The following POU2F3 variants were observed in gnomAD, a reference collection of about 807,000 sequenced individuals.
POU2F3 encodes POU class 2 homeobox 3.
A neutral mutation model predicts 59.2 loss-of-function variants in POU2F3; 23 were observed. The ratio of observed to expected loss-of-function variants is 0.39; its 90% CI spans 0.28 to 0.55. The LOEUF is 0.55. Among genes scored for constraint, POU2F3 ranks in the 20% least tolerant of loss-of-function variants. POU2F3 has a pLI of 0.66. For synonymous variants in POU2F3, 190 were observed against 214.6 expected (o/e 0.89, Z 1.00); for missense variants, 473 against 544.5 (o/e 0.87, Z 1.31).
chr11:120,304,011 G>A lies in POU2F3; in HGVS notation c.445-1019G>A, dbSNP rs190071057. 4.6e-5 allele frequency: 7 copies of A among 152,178 alleles called. No individual in the cohort carries two copies. In the East Asian group the frequency reaches 1.4e-3, roughly 29 times the overall value. The allele number at this position is 152,178 out of a possible 1,614,324, so 9.4% of individuals were successfully genotyped here. On this transcript the variant is annotated intron_variant, in intron 6 of 12. Coordinates refer to ENST00000543440, the MANE Select transcript of POU2F3 (RefSeq NM_014352.4). ...GGCACAGCATGGTTCTAGGTTTAAG[G>A]GTACGTTTTCCTATGAAAATAAGCT...
chr11:120,257,500 C>T (rs1236781803), intron 2 of POU2F3, among the ~76,000 whole-genome samples: 6 of 152,040 alleles, frequency 3.9e-5, no homozygotes, highest in Non-Finnish European at 8.8e-5. Flanking sequence ...GGCCTGGGGT[C>T]CCGCGGCTCT....
chr11:120,238,137 G>A (rs1446132289), upstream of POU2F3, among the ~76,000 whole-genome samples: 1 of 152,192 alleles, frequency 6.6e-6, no homozygotes, highest in African/African-American at 2.4e-5. Flanking sequence ...CTACTCGGGA[G>A]GCTGAGGCAG....
intron 3 of POU2F3, among the ~76,000 whole-genome samples, 177 bp downstream of exon 3, chr11:120,269,421 G>A (rs1480559150): frequency 6.6e-6 from 1 of 152,176 alleles, no homozygotes. Flanking sequence ...ATGAGCCAAT[G>A]TTGGGGTCTC....
intron 3 of POU2F3, among the ~76,000 whole-genome samples, chr11:120,271,670 G>A (rs1168334102): frequency 1.3e-5 from 2 of 152,216 alleles, no homozygotes; most frequent in African/African-American, 2.4e-5. Context: ...CACTAGTGCT[G>A]GAGAGAAGGA....
intron 3 of POU2F3, among the ~76,000 whole-genome samples, chr11:120,276,371 A>G (rs1940325670): frequency 6.6e-6 from 1 of 152,166 alleles, no homozygotes; most frequent in Non-Finnish European, 1.5e-5. Flanking sequence ...GCTGGTTCAG[A>G]GGGCCTAAGA....
At chr11:120,282,116 T>C (rs570985669) in intron 3 of POU2F3, among the ~76,000 whole-genome samples, 29 of 152,330 alleles carry the variant, frequency 1.9e-4, no homozygotes, top group Non-Finnish European at 4.1e-4. Context: ...ATGACAGTGC[T>C]TCTCAGATTC....
At chr11:120,292,452 G>A (rs572744280) in intron 3 of POU2F3, among the ~76,000 whole-genome samples, 1 of 152,254 alleles carries the variant, frequency 6.6e-6, no homozygotes, top group African/African-American at 2.4e-5. Flanking sequence ...CTTGGAAACA[G>A]TTCTCAGAGT....
chr11:120,240,147 C>T lies in POU2F3; in HGVS notation c.-197C>T. 1 of 1,195,748 alleles carries T rather than the reference C, an allele frequency of 8.4e-7. No homozygotes were observed. The highest frequency in any genetic ancestry group is 1.0e-6 in the Non-Finnish European group (1 of 962,336). The allele number at this position is 1,195,748 out of a possible 1,614,324, so 74.1% of individuals were successfully genotyped here. Reference sequence around the variant, plus strand: ...CCGCGTGCTCACCTGGGGAGTGTGGCAATCCTGGCGGCGCCGAGTGTTGCC... The same window carrying T: ...CCGCGTGCTCACCTGGGGAGTGTGGTAATCCTGGCGGCGCCGAGTGTTGCC... On this transcript the variant is annotated 5_prime_UTR_variant, in exon 1 of 13. Coordinates refer to ENST00000543440, the MANE Select transcript of POU2F3 (RefSeq NM_014352.4).
At chr11:120,241,862 T>C (rs1374156947) in intron 1 of POU2F3, among the ~76,000 whole-genome samples, 1 of 151,956 alleles carries the variant, frequency 6.6e-6, no homozygotes, top group African/African-American at 2.4e-5. Context: ...TCAGAGGATA[T>C]AGCAGAGAGC....
chr11:120,252,498 G>A (rs1340420382), intron 2 of POU2F3, among the ~76,000 whole-genome samples: 3 of 152,074 alleles, frequency 2.0e-5, no homozygotes, highest in Admixed American at 6.6e-5. Flanking sequence ...ATGAGCCTCC[G>A]CACCCAGCCT....
intron 3 of POU2F3, among the ~76,000 whole-genome samples, chr11:120,270,443 G>A: frequency 6.6e-6 from 1 of 152,204 alleles, no homozygotes; most frequent in South Asian, 2.1e-4. Context: ...GGAGCTCAGA[G>A]CAGACATCAT....
intron 10 of POU2F3, among the ~76,000 whole-genome samples, chr11:120,313,179 A>G (rs990966750): frequency 2.0e-5 from 3 of 152,200 alleles, no homozygotes; most frequent in African/African-American, 7.2e-5. Context: ...GATGGGAAGT[A>G]GTAGATTCTC....
intron 8 of POU2F3, among the ~76,000 whole-genome samples, chr11:120,306,013 T>A (rs1941476684): frequency 6.6e-6 from 1 of 152,158 alleles, no homozygotes; most frequent in Non-Finnish European, 1.5e-5. Flanking sequence ...TCTGTGTCCA[T>A]CAGGATTTGT....
chr11:120,268,171 G>T (rs1039108864), intron 2 of POU2F3, among the ~76,000 whole-genome samples: 21 of 151,470 alleles, frequency 1.4e-4, no homozygotes, highest in Admixed American at 1.2e-3. Context: ...GGAAAAAGTG[G>T]GATAGAAGTC....
At chr11:120,312,866 A>G (rs887064950) in intron 10 of POU2F3, among the ~76,000 whole-genome samples, 2 of 152,182 alleles carry the variant, frequency 1.3e-5, no homozygotes, top group Non-Finnish European at 2.9e-5. Flanking sequence ...GAATGTCACC[A>G]TTGCTATTAA....
Position 120,299,616 on chromosome 11 carries a change from G to C in POU2F3, c.259-8G>C. ...TTCTGTGGTGTATGTGTATCTCTCC[G>C]TGTGTAGGACATGGCTTCCCTCCAT... On this transcript the variant is annotated splice_region_variant and splice_polypyrimidine_tract_variant and intron_variant, in intron 4 of 12. Coordinates refer to ENST00000543440, the MANE Select transcript of POU2F3 (RefSeq NM_014352.4). 1.2e-6 allele frequency: 2 copies of C among 1,611,918 alleles called. No individual in the cohort carries two copies. The highest frequency in any genetic ancestry group is 1.7e-6 in the Non-Finnish European group (2 of 1,178,830).
At chr11:120,311,924 G>A (rs1353729563) in intron 10 of POU2F3, among the ~76,000 whole-genome samples, 4 of 152,170 alleles carry the variant, frequency 2.6e-5, no homozygotes, top group Admixed American at 6.5e-5. Context: ...CTACAACCAC[G>A]TAGATGTGCG....
At chr11:120,239,305 G>T (rs1938576596), upstream of POU2F3, among the ~76,000 whole-genome samples, 1 of 152,194 alleles carries the variant, frequency 6.6e-6, no homozygotes, top group Admixed American at 6.5e-5. Context: ...AAGAGAAAGG[G>T]GTGAGCCTAT....
rs143953974 is a variant in POU2F3 at position 120,299,725 on chromosome 11, A to C, written c.360A>C (p.Gln120His). 2 of 1,610,726 alleles carry C rather than the reference A, an allele frequency of 1.2e-6. No homozygotes were observed. ...TATCTCAGACCCAGCCTGGGCAGCAAGGTAAGAACCCTGGGGGTTTCCACC... is the reference window on the plus strand; with the variant it reads ...TATCTCAGACCCAGCCTGGGCAGCACGGTAAGAACCCTGGGGGTTTCCACC... ...FLLSQTQPGQQGLQPNLLPFP... is the reference protein window; with the variant it reads ...FLLSQTQPGQHGLQPNLLPFP... The change falls in exon 5 of 13, where the codon CAA (glutamine) becomes CAC (histidine). Residue 120 changes from glutamine (Q) to histidine (H), a missense_variant and splice_region_variant. Transcript: ENST00000543440.
Sources: gnomAD v4.1 joint callset for allele counts (sites outside exome capture counted in the v4.1 genomes callset) on GRCh38, gnomAD v4.1.1 for gene constraint, MANE v1.5 for transcripts, NCBI Gene and HGNC (gene_info 2026-07-23, HGNC 2026-07-21) for gene names.